Variants in SGPL1 observed in about 807,000 individuals in gnomAD.
SGPL1 encodes the protein SP-lyase 1.
Under a neutral mutation model 68.9 loss-of-function variants are expected in SGPL1, and 37 were observed. That is an observed-to-expected ratio of 0.54 (90% confidence interval 0.41 to 0.71). The LOEUF is 0.71. Ranked by LOEUF, SGPL1 falls within the 30% of genes least tolerant of loss-of-function variation. The pLI is 0.00. For synonymous variants in SGPL1, 236 were observed against 248.5 expected (o/e 0.95, Z 0.47); for missense variants, 551 against 704.6 (o/e 0.78, Z 2.47).
intron 7 of SGPL1, among the ~76,000 whole-genome samples, chr10:70,863,689 G>A (rs1377945185): frequency 6.6e-6 from 1 of 152,144 alleles, no homozygotes; most frequent in Non-Finnish European, 1.5e-5. Flanking sequence ...GAGGTAGTGT[G>A]AATTCTGACC....
At position 70,873,672 on chromosome 10, in the gene SGPL1, C is replaced by T. The variant is rs1846336150; in HGVS notation, c.1298+83C>T. On this transcript the variant is annotated intron_variant, in intron 12 of 14. Transcript: ENST00000373202. ...CAAGGCACCTGCCTGGCTAAGTATC[C>T]ATAGCCCTAGCCCACCTGTTGTCTC... 1.4e-5 allele frequency: 14 copies of T among 1,025,100 alleles called. 1 individual carries two copies. Among genetic ancestry groups the T allele is most frequent in the Middle Eastern group, 2.7e-4 (1 of 3,768 alleles). The allele number at this position is 1,025,100 out of a possible 1,614,324, so 63.5% of individuals were successfully genotyped here.
At chr10:70,834,406 G>T (rs10509327) in intron 2 of SGPL1, among the ~76,000 whole-genome samples, 18,071 of 152,208 alleles carry the variant, frequency 0.12, 1,325 homozygotes, top group Non-Finnish European at 0.17. Context: ...TTTGGTATTA[G>T]TCTGTGGCCT....
chr10:70,824,599 A>G (rs1845398900), intron 2 of SGPL1, among the ~76,000 whole-genome samples: 2 of 152,232 alleles, frequency 1.3e-5, no homozygotes, highest in South Asian at 4.1e-4. Flanking sequence ...ATGACAAAAA[A>G]AAAGTAAAAA....
intron 3 of SGPL1, among the ~76,000 whole-genome samples, chr10:70,848,628 C>T (rs1271372592): frequency 6.6e-6 from 1 of 152,090 alleles, no homozygotes; most frequent in South Asian, 2.1e-4. Context: ...TCACGCCCAG[C>T]TAATTTTTGT....
chr10:70,871,801 G>A (rs763917532), intron 10 of SGPL1, 36 bp from the exon 11 acceptor site: 1 of 1,604,588 alleles, frequency 6.2e-7, no homozygotes, highest in Non-Finnish European at 8.5e-7. Flanking sequence ...GGGCTATAAA[G>A]GAAATTCTCT....
intron 4 of SGPL1, among the ~76,000 whole-genome samples, chr10:70,851,523 T>C (rs1045450690): frequency 2.0e-5 from 3 of 151,700 alleles, no homozygotes; most frequent in South Asian, 2.1e-4. Flanking sequence ...TTGAGAACCC[T>C]GACTTAACCC....
chr10:70,838,429 A>G (rs1478212868), intron 2 of SGPL1, among the ~76,000 whole-genome samples: 1 of 152,192 alleles, frequency 6.6e-6, no homozygotes, highest in African/African-American at 2.4e-5. Context: ...TGGAGATTAA[A>G]AGAGTTTAGT....
chr10:70,839,918 CA>C (rs898761996), intron 2 of SGPL1, among the ~76,000 whole-genome samples: 89 of 138,814 alleles, frequency 6.4e-4, no homozygotes, highest in East Asian at 2.7e-3. Flanking sequence ...ATAAAAATTG[CA>C]AAAAAAAAAA....
chr10:70,875,959 A>G (rs1400301089), intron 13 of SGPL1, among the ~76,000 whole-genome samples: 1 of 152,142 alleles, frequency 6.6e-6, no homozygotes, highest in African/African-American at 2.4e-5. Flanking sequence ...TTCTAACCTA[A>G]TCTTCCATGA....
At chr10:70,870,547 T>C (rs1010165591) in intron 9 of SGPL1, among the ~76,000 whole-genome samples, 1 of 152,270 alleles carries the variant, frequency 6.6e-6, no homozygotes, top group African/African-American at 2.4e-5. Flanking sequence ...TTAGATTGGC[T>C]TAAATTAATA....
intron 2 of SGPL1, among the ~76,000 whole-genome samples, chr10:70,831,792 T>C (rs1240236272): frequency 6.6e-6 from 1 of 152,158 alleles, no homozygotes; most frequent in African/African-American, 2.4e-5. Context: ...CTCATACTAA[T>C]AGACTGACCG....
chr10:70,871,306 T>C (rs890678806), intron 10 of SGPL1, among the ~76,000 whole-genome samples, 160 bp downstream of exon 10: 3 of 152,228 alleles, frequency 2.0e-5, no homozygotes, highest in Admixed American at 2.0e-4. Context: ...TGCAGCTCAG[T>C]TGCAAGCCTT....
At chr10:70,853,761 C>T (rs1314040510) in intron 4 of SGPL1, among the ~76,000 whole-genome samples, 2 of 152,190 alleles carry the variant, frequency 1.3e-5, no homozygotes, top group East Asian at 1.9e-4. Flanking sequence ...GATAAACTAC[C>T]TAGCAGAAAG....
intron 2 of SGPL1, among the ~76,000 whole-genome samples, chr10:70,828,399 G>A (rs112216970): frequency 0.056 from 8,523 of 152,190 alleles, 284 homozygotes; most frequent in Non-Finnish European, 0.064. Flanking sequence ...ATGGCTTCCT[G>A]CAGCCTTGAA....
intron 2 of SGPL1, among the ~76,000 whole-genome samples, chr10:70,829,994 A>G (rs551006832): frequency 6.6e-6 from 1 of 152,300 alleles, no homozygotes; most frequent in East Asian, 1.9e-4. Flanking sequence ...ATTCTTAGGT[A>G]GTTATGGTTG....
chr10:70,865,402 C>CT (rs1298941260), intron 7 of SGPL1, among the ~76,000 whole-genome samples: 12 of 151,864 alleles, frequency 7.9e-5, no homozygotes. Context: ...AACCATATCT[C>CT]TATTATTTTG....
chr10:70,876,313 C>G (rs1029723207), intron 13 of SGPL1, among the ~76,000 whole-genome samples: 2 of 152,128 alleles, frequency 1.3e-5, no homozygotes, highest in African/African-American at 4.8e-5. Context: ...ACTGTTCATC[C>G]TCTTAGCATG....
At chr10:70,818,356 G>A (rs12412007) in intron 2 of SGPL1, among the ~76,000 whole-genome samples, 8,004 of 152,288 alleles carry the variant, frequency 0.053, 363 homozygotes, top group Admixed American at 0.15. Context: ...CTAACCTCAG[G>A]TGATCCACCT....
chr10:70,829,594 G>A (rs867887924), intron 2 of SGPL1, among the ~76,000 whole-genome samples: 9 of 151,512 alleles, frequency 5.9e-5, no homozygotes, highest in African/African-American at 2.2e-4. Flanking sequence ...TCTCCTGAAC[G>A]TTTTGTTGAA....
Sources: allele counts gnomAD v4.1 joint callset (sites outside exome capture counted in the v4.1 genomes callset), GRCh38; gene constraint gnomAD v4.1.1; transcripts MANE v1.5; gene names NCBI Gene and HGNC (gene_info 2026-07-23, HGNC 2026-07-21).